PRDM11: variants seen among roughly 807,000 people sequenced by gnomAD.
The protein encoded by PRDM11 is PR domain-containing protein 11.
Under a neutral mutation model 97.8 loss-of-function variants are expected in PRDM11, and 20 were observed. That is an observed-to-expected ratio of 0.20 (90% CI 0.14 to 0.30). PRDM11 has a LOEUF of 0.30. PRDM11 is among the 10% of genes least tolerant of loss of function. The pLI is 1.00. For missense variants in PRDM11, 1,139 were observed against 1,555.2 expected (o/e 0.73, Z 4.50); for synonymous variants, 599 against 637.7 (o/e 0.94, Z 0.91).
rs1854271947 is a variant in PRDM11 at position 45,226,224 on chromosome 11, C to T, written c.1599C>T (p.Arg533=). The change falls in exon 8 of 8, where the codon CGC becomes CGT. Residue 533 remains arginine (R), a synonymous_variant. Coordinates refer to ENST00000683152, the MANE Select transcript of PRDM11 (RefSeq NM_001384648.1). ...ATGAGATGTGGTGCCACGTCTGCCG[C>T]CAGTACACGGTGCAGTCCTCACGCA... ...TLNEMWCHVC[R]QYTVQSSRTS... The T allele has an allele frequency of 6.5e-7, 1 of 1,533,974 alleles. No homozygotes were observed. Among genetic ancestry groups the T allele is most frequent in the Non-Finnish European group, 8.7e-7 (1 of 1,146,718 alleles).
Position 45,153,313 on chromosome 11 carries a change from C to T in PRDM11, c.-7+6436C>T, listed in dbSNP as rs75896672. On this transcript the variant is annotated intron_variant, in intron 1 of 7. Coordinates refer to ENST00000683152, the MANE Select transcript of PRDM11 (RefSeq NM_001384648.1). ...GGTCCACACTGTTCCCTGGAGAGGG[C>T]GTGGGCCCCAGGTTCAGTCCTGCTT... Among the ~76,000 whole-genome samples, 1,008 of 152,362 alleles carry T rather than the reference C, an allele frequency of 6.6e-3. 11 individuals are homozygous for T. The highest frequency in any genetic ancestry group is 0.023 in the African/African-American group (963 of 41,590).
chr11:45,179,528 T>G, intron 1 of PRDM11, among the ~76,000 whole-genome samples: 1 of 152,080 alleles, frequency 6.6e-6, no homozygotes, highest in East Asian at 1.9e-4. Context: ...TTTCTCACGG[T>G]TTTAGAGCCT....
At chr11:45,115,455 A>G (rs1178454650) in intron 1 of PRDM11, among the ~76,000 whole-genome samples, 2 of 151,280 alleles carry the variant, frequency 1.3e-5, no homozygotes, top group Admixed American at 6.6e-5. Context: ...ATACTCAACT[A>G]TGTCAATAAT....
chr11:45,199,931 G>C (rs1163998417), intron 4 of PRDM11, among the ~76,000 whole-genome samples: 1 of 152,174 alleles, frequency 6.6e-6, no homozygotes, highest in African/African-American at 2.4e-5. Flanking sequence ...GTCCAGGGCT[G>C]CAGCTCAGAG....
At chr11:45,183,236 C>G in intron 4 of PRDM11, 113 bp downstream of exon 4, 1 of 1,344,308 alleles carries the variant, frequency 7.4e-7, no homozygotes, top group Admixed American at 2.7e-5. Context: ...ACCATCGCTT[C>G]TGGACCTGTC....
chr11:45,102,782 C>T (rs1852000075), intron 1 of PRDM11, among the ~76,000 whole-genome samples: 1 of 152,266 alleles, frequency 6.6e-6, no homozygotes. Context: ...AAGGTGGTGC[C>T]TGGCCCATTG....
intron 1 of PRDM11, among the ~76,000 whole-genome samples, chr11:45,120,639 C>A (rs564349639): frequency 3.1e-4 from 47 of 150,818 alleles, no homozygotes; most frequent in Admixed American, 5.3e-4. Context: ...AAAAAAAAAA[C>A]CACATACAGA....
intron 5 of PRDM11, among the ~76,000 whole-genome samples, chr11:45,209,518 C>A (rs1038506806): frequency 6.6e-6 from 1 of 152,202 alleles, no homozygotes; most frequent in African/African-American, 2.4e-5. Flanking sequence ...GTGCTAGGAG[C>A]TGGGAAGACA....
intron 1 of PRDM11, among the ~76,000 whole-genome samples, chr11:45,180,196 C>T (rs1852433558): frequency 6.6e-6 from 1 of 152,244 alleles, no homozygotes; most frequent in African/African-American, 2.4e-5. Context: ...CCTGCGCCCT[C>T]ACAGGAGGCA....
chr11:45,192,021 CGCCGTGTG>C (rs1199938145), intron 4 of PRDM11, among the ~76,000 whole-genome samples: 1 of 151,964 alleles, frequency 6.6e-6, no homozygotes, highest in Non-Finnish European at 1.5e-5. Flanking sequence ...CGCAACAGGC[CGCCGTGTG>C]TGACTTTCCC....
intron 1 of PRDM11, among the ~76,000 whole-genome samples, chr11:45,131,905 T>G (rs1475648887): frequency 6.6e-6 from 1 of 152,234 alleles, no homozygotes; most frequent in Non-Finnish European, 1.5e-5. Context: ...TCTAGATTTT[T>G]TCTTTGGTGT....
At chr11:45,218,397 G>A (rs565492533) in intron 5 of PRDM11, among the ~76,000 whole-genome samples, 62 of 152,204 alleles carry the variant, frequency 4.1e-4, no homozygotes, top group African/African-American at 1.3e-3. Flanking sequence ...AATGTACTAC[G>A]CTGTGTTTCT....
At position 45,232,313 on chromosome 11, in the gene PRDM11, G is replaced by A. The variant is rs1854413164; in HGVS notation, c.*4154G>A. On this transcript the variant is annotated 3_prime_UTR_variant, in exon 8 of 8. Transcript: ENST00000683152. ...ATGGGACCCAGGAGGTGGCCTGAGGGGTTGAAGTATAACTTCCCTCTTCTG... is the reference window on the plus strand; with the variant it reads ...ATGGGACCCAGGAGGTGGCCTGAGGAGTTGAAGTATAACTTCCCTCTTCTG... 6.6e-6 allele frequency: 1 copy of A among 152,274 alleles called. No individual in the cohort carries two copies. Among genetic ancestry groups the A allele is most frequent in the African/African-American group, 2.4e-5 (1 of 41,440 alleles). The allele number at this position is 152,274 out of a possible 1,614,324, so 9.4% of individuals were successfully genotyped here. A position where few individuals can be genotyped will look rare whatever the true frequency, so the allele number is the denominator to read the frequency against.
At position 45,108,584 on chromosome 11, in the gene PRDM11, G is replaced by A. The variant is rs1468875135; in HGVS notation, c.96+12683G>A. ...GGCTCTGGCTCCTGCCCTTGGACAGGATTCCAGAGGCAGGTGTGTCCTCAT... is the reference window on the plus strand; with the variant it reads ...GGCTCTGGCTCCTGCCCTTGGACAGAATTCCAGAGGCAGGTGTGTCCTCAT... On this transcript the variant is annotated intron_variant, in intron 1 of 6. Coordinates refer to the PRDM11 transcript ENST00000530656. 2.0e-5 allele frequency among the ~76,000 whole-genome samples: 3 copies of A among 152,332 alleles called. No homozygotes were observed. In the East Asian group the frequency reaches 5.8e-4, roughly 29 times the overall value.
intron 1 of PRDM11, among the ~76,000 whole-genome samples, chr11:45,130,326 C>T (rs1217322727): frequency 6.6e-6 from 1 of 152,140 alleles, no homozygotes; most frequent in Non-Finnish European, 1.5e-5. Context: ...GCAAAATATA[C>T]ACTGGGATAA....
intron 1 of PRDM11, among the ~76,000 whole-genome samples, chr11:45,134,433 C>A (rs1319886834): frequency 6.6e-6 from 1 of 152,130 alleles, no homozygotes; most frequent in African/African-American, 2.4e-5. Flanking sequence ...GGTGTGGAGG[C>A]ACAAGCCTGT....
At chr11:45,222,420 G>GA (rs1374661561) in intron 6 of PRDM11, among the ~76,000 whole-genome samples, 2 of 152,196 alleles carry the variant, frequency 1.3e-5, no homozygotes, top group African/African-American at 4.8e-5. Flanking sequence ...ATGAGGAAAG[G>GA]AAAATGTGGC....
At chr11:45,180,188 T>C (rs1852433039) in intron 1 of PRDM11, among the ~76,000 whole-genome samples, 1 of 152,212 alleles carries the variant, frequency 6.6e-6, no homozygotes, top group Non-Finnish European at 1.5e-5. Context: ...CCCCAATTCC[T>C]GCGCCCTCAC....
At chr11:45,142,036 C>G (rs918671345), upstream of PRDM11, among the ~76,000 whole-genome samples, 1 of 152,208 alleles carries the variant, frequency 6.6e-6, no homozygotes, top group African/African-American at 2.4e-5. Flanking sequence ...TTGCTTCAAT[C>G]TCATCTAGAA....
Sources: allele counts gnomAD v4.1 joint callset (sites outside exome capture counted in the v4.1 genomes callset), GRCh38; gene constraint gnomAD v4.1.1; transcripts MANE v1.5; gene names NCBI Gene and HGNC (gene_info 2026-07-23, HGNC 2026-07-21).